Variants in SEL1L observed in about 807,000 individuals in gnomAD.
The protein encoded by SEL1L is SEL1L adaptor subunit of SYVN1 ubiquitin ligase, also known as protein sel-1 homolog 1.
Under a neutral mutation model 109.8 loss-of-function variants are expected in SEL1L, and 52 were observed. The ratio of observed to expected loss-of-function variants is 0.47; its 90% CI spans 0.38 to 0.60. The LOEUF (loss-of-function observed/expected upper bound fraction) is 0.60, where lower values mean the gene tolerates loss of function less well. Among genes scored for constraint, SEL1L ranks in the 20% least tolerant of loss-of-function variants. SEL1L has a pLI of 0.00. For synonymous variants in SEL1L, 373 were observed against 339.6 expected (o/e 1.10, Z -1.08); for missense variants, 749 against 962.2 (o/e 0.78, Z 2.93).
chr14:81,498,762 T>C (rs1024729044), intron 8 of SEL1L: 1 of 269,838 alleles, frequency 3.7e-6, no homozygotes. Flanking sequence ...AGTGTGTGCA[T>C]TTTACTCATA....
chr14:81,518,462 C>A (rs967691834), intron 3 of SEL1L, among the ~76,000 whole-genome samples: 29 of 151,530 alleles, frequency 1.9e-4, no homozygotes, highest in African/African-American at 6.8e-4. Flanking sequence ...GAGTTCGAGA[C>A]CAGCCTGGCC....
chr14:81,513,727 C>G (rs1269691270), intron 3 of SEL1L, among the ~76,000 whole-genome samples: 1 of 152,182 alleles, frequency 6.6e-6, no homozygotes, highest in Non-Finnish European at 1.5e-5. Flanking sequence ...ACACGGATGT[C>G]AGGCTTTCTG....
chr14:81,506,304 T>G lies in SEL1L; in HGVS notation c.341-63A>C. 4.3e-6 allele frequency: 6 copies of G among 1,388,616 alleles called. No individual in the cohort carries two copies. The South Asian group carries it at 6.3e-5, about 15-fold the overall frequency. 86.0% of individuals were successfully genotyped at this position (1,388,616 alleles called of 1,614,324 possible). A position where few individuals can be genotyped will look rare whatever the true frequency, so the allele number is the denominator to read the frequency against. ...ACACCTCTGGTATTCATGGATTCAA[T>G]GCCATCAATTTTGGCTGTTGGAATT... On this transcript the variant is annotated intron_variant, in intron 3 of 20. Coordinates refer to ENST00000336735, the MANE Select transcript of SEL1L (RefSeq NM_005065.6).
chr14:81,517,273 T>C (rs1884737834), intron 3 of SEL1L, among the ~76,000 whole-genome samples: 1 of 152,162 alleles, frequency 6.6e-6, no homozygotes, highest in African/African-American at 2.4e-5. Flanking sequence ...CTGGCTAAAA[T>C]GAGGGAAAAG....
intron 3 of SEL1L, among the ~76,000 whole-genome samples, chr14:81,523,116 TATG>T (rs1884987520): frequency 6.6e-6 from 1 of 152,148 alleles, no homozygotes; most frequent in Non-Finnish European, 1.5e-5. Flanking sequence ...ATGTCTTCTG[TATG>T]ATAATGAGAA....
intron 12 of SEL1L, 74 bp from the exon 13 acceptor site, chr14:81,490,539 C>CTT: frequency 8.8e-7 from 1 of 1,141,696 alleles, no homozygotes; most frequent in Non-Finnish European, 1.3e-6. Flanking sequence ...TTCTCATCTC[C>CTT]TTTGAGTTTT....
chr14:81,498,206 T>C (rs1482036977), intron 9 of SEL1L, among the ~76,000 whole-genome samples, 160 bp from the exon 10 acceptor site: 1 of 152,196 alleles, frequency 6.6e-6, no homozygotes, highest in Non-Finnish European at 1.5e-5. Context: ...AATCTATTAA[T>C]AAATTGAACT....
At chr14:81,483,936 CAGAT>C (rs999948761) in intron 19 of SEL1L, among the ~76,000 whole-genome samples, 2 of 152,164 alleles carry the variant, frequency 1.3e-5, no homozygotes. Context: ...TGACGATGGA[CAGAT>C]AGTTTCTCAA....
chr14:81,533,467 G>A (rs1885413764), intron 1 of SEL1L, among the ~76,000 whole-genome samples: 1 of 152,192 alleles, frequency 6.6e-6, no homozygotes, highest in Non-Finnish European at 1.5e-5. Context: ...TGGGCAGGGT[G>A]ACCGCCCCTT....
At chr14:81,500,942 A>C (rs1053595706) in intron 6 of SEL1L, among the ~76,000 whole-genome samples, 36 of 152,214 alleles carry the variant, frequency 2.4e-4, no homozygotes, top group Admixed American at 2.4e-3. Context: ...GGAAAGTATA[A>C]GCTAACATGA....
At chr14:81,498,705 A>G (rs2140011358) in intron 8 of SEL1L, 1 of 478,360 alleles carries the variant, frequency 2.1e-6, no homozygotes, top group Middle Eastern at 5.4e-4. Flanking sequence ...AATAAATAAT[A>G]TAGTTCCTAG....
rs1388314904 is a variant in SEL1L at position 81,471,732 on chromosome 14, T to C, written c.*5240A>G. The C allele has an allele frequency of 6.6e-6, 1 of 152,150 alleles. No individual in the cohort carries two copies. The highest frequency in any genetic ancestry group is 1.9e-4 in the East Asian group (1 of 5,198). The allele number at this position is 152,150 out of a possible 1,614,324, so 9.4% of individuals were successfully genotyped here. A position where few individuals can be genotyped will look rare whatever the true frequency, so the allele number is the denominator to read the frequency against. On this transcript the variant is annotated 3_prime_UTR_variant, in exon 21 of 21. Transcript: ENST00000336735. ...AAAAGAATTTGGCCTCTAGGGAAAA[T>C]CAGAGTTCTACTCAAAATATAATAC... is the stretch of plus-strand genomic sequence containing the variant.
At position 81,484,354 on chromosome 14, in the gene SEL1L, A is replaced by G. The variant is rs746255033; in HGVS notation, c.1917T>C (p.Tyr639=). 11 of 1,614,038 alleles carry G rather than the reference A, an allele frequency of 6.8e-6. No individual in the cohort carries two copies. The highest frequency in any genetic ancestry group is 5.0e-5 in the Admixed American group (3 of 60,006). ...CATAATCTACATCGGTGCCAAACCC[A>G]TAGAAATGGTAGTCTCCGAGCTTAA... ...ARIKLGDYHF[Y]GFGTDVDYET... Residue 639 remains tyrosine (Y), a synonymous_variant, in exon 19 of 21, where the codon TAT becomes TAC. Transcript: ENST00000336735.
rs569917202 is a variant in SEL1L, at chr14:81,489,966, A to C, written c.1332+422T>G. Among the ~76,000 whole-genome samples, 56 of 152,354 alleles carry C rather than the reference A, an allele frequency of 3.7e-4. No homozygotes were observed. The South Asian group carries it at 0.011, about 30-fold the overall frequency. On this transcript the variant is annotated intron_variant, in intron 13 of 20. Coordinates refer to ENST00000336735, the MANE Select transcript of SEL1L (RefSeq NM_005065.6). Reference sequence around the variant, plus strand: ...ATAGTTGACAGAGAGGTAAGTGTACATACTGAAGACATACAAGATTTCAGG... The same window carrying C: ...ATAGTTGACAGAGAGGTAAGTGTACCTACTGAAGACATACAAGATTTCAGG...
chr14:81,504,117 G>T, intron 5 of SEL1L, 84 bp downstream of exon 5: 1 of 763,094 alleles, frequency 1.3e-6, no homozygotes, highest in Non-Finnish European at 2.0e-6. Context: ...GTCTCTGGCA[G>T]TGCACTTTTT....
chr14:81,519,755 A>C (rs2140049833), intron 3 of SEL1L, among the ~76,000 whole-genome samples: 1 of 152,352 alleles, frequency 6.6e-6, no homozygotes, highest in East Asian at 1.9e-4. Flanking sequence ...GAAAACCTAC[A>C]TTTATTTTTA....
intron 10 of SEL1L, among the ~76,000 whole-genome samples, chr14:81,497,638 C>T (rs1009399887): frequency 2.0e-5 from 3 of 152,036 alleles, no homozygotes; most frequent in East Asian, 1.9e-4. Flanking sequence ...GGGCAGTACA[C>T]GGGAGAGTCA....
chr14:81,512,907 A>C (rs2140037129), intron 3 of SEL1L, among the ~76,000 whole-genome samples: 1 of 152,382 alleles, frequency 6.6e-6, no homozygotes, highest in East Asian at 1.9e-4. Flanking sequence ...ATCTTTTGAA[A>C]GACCGCTTAT....
intron 19 of SEL1L, 78 bp downstream of exon 19, chr14:81,484,147 G>A (rs1298120402): frequency 1.4e-6 from 2 of 1,437,074 alleles, no homozygotes; most frequent in African/African-American, 2.8e-5. Context: ...GTCAAGGAAA[G>A]TCTATTTTCT....
Sources: allele counts gnomAD v4.1 joint callset (sites outside exome capture counted in the v4.1 genomes callset), GRCh38; gene constraint gnomAD v4.1.1; transcripts MANE v1.5; gene names NCBI Gene and HGNC (gene_info 2026-07-23, HGNC 2026-07-21).